ASAH1: variants seen among roughly 807,000 people sequenced by gnomAD.
ASAH1 encodes the protein acid ceramidase.
In ASAH1, 70 loss-of-function variants were observed where a neutral mutation model predicts 59.5. That is an observed-to-expected ratio of 1.18 (90% confidence interval 0.97 to 1.43). The LOEUF (loss-of-function observed/expected upper bound fraction) is 1.43, where lower values mean the gene tolerates loss of function less well. Ranked by LOEUF, ASAH1 falls within the 40% of genes most tolerant of loss-of-function variation. The pLI is 0.00. For missense variants in ASAH1, 660 were observed against 482.5 expected, an observed-to-expected ratio of 1.37 and a Z score of -3.45; for synonymous variants, 213 against 166.5, an observed-to-expected ratio of 1.28 and a Z score of -2.15.
chr8:18,069,103 T>C (rs1800050920), intron 4 of ASAH1, among the ~76,000 whole-genome samples: 1 of 138,418 alleles, frequency 7.2e-6, no homozygotes, highest in Non-Finnish European at 1.5e-5. Flanking sequence ...ATCATGCCAG[T>C]GCACTCCAGC....
intron 4 of ASAH1, chr8:18,068,349 G>A (rs139498511): frequency 3.0e-4 from 45 of 152,362 alleles, no homozygotes; most frequent in African/African-American, 1.1e-3. Context: ...GAGTAGAGGG[G>A]AGATTAAGGC....
chr8:18,059,514 A>T (rs369238481), intron 11 of ASAH1, 50 bp from the exon 12 acceptor site: 113 of 1,614,092 alleles, frequency 7.0e-5, no homozygotes, highest in Admixed American at 1.8e-4. Flanking sequence ...CTTAAAACTC[A>T]AAGTATATCA....
intron 5 of ASAH1, chr8:18,064,889 T>C: frequency 5.5e-6 from 1 of 182,250 alleles, no homozygotes; most frequent in Non-Finnish European, 1.1e-5. Flanking sequence ...TGGACATATA[T>C]TTTGCCCAGA....
chr8:18,059,338 T>C lies in ASAH1; in HGVS notation c.1041+3A>G. The C allele has an allele frequency of 6.2e-7, 1 of 1,614,212 alleles. No homozygotes were observed. Among genetic ancestry groups the C allele is most frequent in the Non-Finnish European group, 8.5e-7 (1 of 1,180,030 alleles). The stretch of plus-strand genomic sequence containing the variant: ...CTTTCTATAGATGACCCTGCAAAGG[T>C]ACCTCTTGGCTGGTGCGGTTCAGAC... On this transcript the variant is annotated splice_donor_region_variant and intron_variant, in intron 12 of 13. Coordinates refer to ENST00000637790, the MANE Select transcript of ASAH1 (RefSeq NM_177924.5).
intron 3 of ASAH1, 147 bp downstream of exon 3, chr8:18,071,153 G>C (rs1800152402): frequency 3.3e-6 from 1 of 304,842 alleles, no homozygotes; most frequent in East Asian, 7.0e-5. Flanking sequence ...GTTGCGGCGA[G>C]CTGAGATCGT....
chr8:18,084,605 G>A (rs1352855653), upstream of ASAH1: 5 of 1,601,774 alleles, frequency 3.1e-6, no homozygotes, highest in South Asian at 3.4e-5. Context: ...CAGGGACAAG[G>A]AGCAGTTGAG....
intron 8 of ASAH1, 76 bp downstream of exon 8, chr8:18,062,203 C>G: frequency 6.2e-7 from 1 of 1,600,194 alleles, no homozygotes; most frequent in South Asian, 1.1e-5. Context: ...TCCTCATATT[C>G]TTAGATTTCA....
rs1799515378 is a variant in ASAH1, at chr8:18,057,412, T to C, written c.*122A>G. 3 of 674,572 alleles carry C rather than the reference T, an allele frequency of 4.4e-6. No individual in the cohort carries two copies. Among genetic ancestry groups the C allele is most frequent in the East Asian group, 3.5e-5 (1 of 28,674 alleles). The allele number at this position is 674,572 out of a possible 1,614,324, so 41.8% of individuals were successfully genotyped here. On this transcript the variant is annotated 3_prime_UTR_variant, in exon 14 of 14. Coordinates refer to ENST00000637790, the MANE Select transcript of ASAH1 (RefSeq NM_177924.5). ...CAACAGATGGACGAAGACAAGCTAT[T>C]GACTCAAAGAGAACCTGCCGCGAGT...
chr8:18,084,689 G>A (rs1345267542), upstream of ASAH1: 2 of 1,612,622 alleles, frequency 1.2e-6, no homozygotes, highest in South Asian at 2.2e-5. Flanking sequence ...GGCTTTCACA[G>A]CAAAGCTGCC....
chr8:18,066,294 G>A (rs187970676), intron 5 of ASAH1: 152 of 151,864 alleles, frequency 1.0e-3, no homozygotes, highest in Middle Eastern at 3.4e-3. Context: ...TAGACTGGGA[G>A]CAGATATTCA....
chr8:18,062,865 GTTCTT>G (rs1239259855), intron 7 of ASAH1: 42 of 282,220 alleles, frequency 1.5e-4, no homozygotes, highest in East Asian at 6.2e-4. Context: ...ACAGTTCTGT[GTTCTT>G]TTTTTTTTTT....
rs769278694 is a variant in ASAH1 at position 18,075,001 on chromosome 8, C to CTTTTTTTTTTTTTTTTTTT, written c.125+539_125+540insAAAAAAAAAAAAAAAAAAA. ...ATTGAGTGGAGAATGAAAATCCTTT[C>CTTTTTTTTTTTTTTTTTTT]CTTTTTTTTTTTGAGACAGAGTCTC... On this transcript the variant is annotated intron_variant, in intron 2 of 13. Coordinates refer to ENST00000637790, the MANE Select transcript of ASAH1 (RefSeq NM_177924.5). Among the ~76,000 whole-genome samples, 581 of 148,434 alleles carry CTTTTTTTTTTTTTTTTTTT rather than the reference C, an allele frequency of 3.9e-3. 18 individuals carry two copies. The highest frequency in any genetic ancestry group is 6.9e-3 in the South Asian group (32 of 4,636).
chr8:18,059,927 C>G (rs1799623035), intron 10 of ASAH1: 1 of 443,380 alleles, frequency 2.3e-6, no homozygotes, highest in Admixed American at 3.5e-5. Flanking sequence ...CTCTCCCTCC[C>G]CTTTCACCCC....
chr8:18,083,863 G>A, intron 1 of ASAH1, 118 bp downstream of exon 1: 3 of 1,520,198 alleles, frequency 2.0e-6, no homozygotes, highest in Non-Finnish European at 2.6e-6. Flanking sequence ...ACAGACCCCC[G>A]TAAAGAAGCT....
In ASAH1 at chr8:18,059,384, C is replaced by T. The variant is rs1588974098; in HGVS notation, c.998G>A (p.Arg333His). 1.9e-6 allele frequency: 3 copies of T among 1,614,168 alleles called. No homozygotes were observed. The highest frequency in any genetic ancestry group is 2.5e-6 in the Non-Finnish European group (3 of 1,180,024). The change falls in exon 12 of 14, where the codon CGC (arginine) becomes CAC (histidine). Residue 333 changes from arginine (R) to histidine (H), a missense_variant. By Grantham distance (29) the Arg-to-His change is conservative. Transcript: ENST00000637790. Reference protein sequence around the residue: ...RWKHPFFLDDRRTPAKMCLNR... With the variant: ...RWKHPFFLDDHRTPAKMCLNR... ...CAGACACATCTTTGCAGGCGTTCTG[C>T]GATCATCAAGGAAGAAGGGATGTTT...
intron 10 of ASAH1, chr8:18,059,996 G>T: frequency 2.9e-6 from 1 of 344,308 alleles, no homozygotes; most frequent in Non-Finnish European, 5.6e-6. Context: ...TGTTCTCTTT[G>T]TTCAGCTCTC....
chr8:18,066,851 C>A, intron 5 of ASAH1: 1 of 274,524 alleles, frequency 3.6e-6, no homozygotes. Context: ...GCACACCACC[C>A]ATAATGAAAT....
chr8:18,065,990 C>G (rs12541181), intron 5 of ASAH1: 97,685 of 151,566 alleles, frequency 0.64, 31,840 homozygotes, highest in African/African-American at 0.72. Context: ...TGAATTGATG[C>G]TGTTTAACTA....
chr8:18,080,019 G>C (rs1011436245), intron 1 of ASAH1, among the ~76,000 whole-genome samples: 3 of 152,212 alleles, frequency 2.0e-5, no homozygotes, highest in Non-Finnish European at 4.4e-5. Flanking sequence ...CAGCGTTTAG[G>C]AGTCTGGCAC....
Sources: allele counts gnomAD v4.1 joint callset (sites outside exome capture counted in the v4.1 genomes callset), GRCh38; gene constraint gnomAD v4.1.1; transcripts MANE v1.5; gene names NCBI Gene and HGNC (gene_info 2026-07-23, HGNC 2026-07-21).